Variants in GORAB observed in about 807,000 individuals in gnomAD.
GORAB encodes the protein RAB6-interacting golgin.
Under a neutral mutation model 29.9 loss-of-function variants are expected in GORAB, and 17 were observed. The observed-to-expected ratio is 0.57, with a 90% confidence interval of 0.39 to 0.85. The LOEUF is 0.85. Ranked by LOEUF, GORAB falls within the 40% of genes least tolerant of loss-of-function variation. The probability of loss-of-function intolerance (pLI) is 0.00; values close to 1 mark genes in which losing one functional copy is unlikely to be tolerated. For missense variants in GORAB, 442 were observed against 437.8 expected (o/e 1.01, Z -0.09); for synonymous variants, 183 against 157.2 (o/e 1.16, Z -1.23).
intron 1 of GORAB, chr1:170,533,368 G>A: frequency 3.6e-6 from 1 of 281,502 alleles, no homozygotes; most frequent in African/African-American, 2.1e-5. Context: ...TAAAGGTTAG[G>A]CTAAGCTATG....
intron 1 of GORAB, chr1:170,532,568 G>C (rs1408790616): frequency 2.4e-6 from 1 of 424,154 alleles, no homozygotes; most frequent in East Asian, 5.1e-5. Context: ...GAGAGGAAGT[G>C]AGCCTACAGC....
At chr1:170,543,390 A>T (rs1649560050) in intron 3 of GORAB, among the ~76,000 whole-genome samples, 1 of 152,222 alleles carries the variant, frequency 6.6e-6, no homozygotes. Flanking sequence ...AAAGTCTGTC[A>T]AACTGTTACT....
At chr1:170,541,252 A>C (rs1255576838) in intron 2 of GORAB, among the ~76,000 whole-genome samples, 1 of 150,376 alleles carries the variant, frequency 6.6e-6, no homozygotes, top group Non-Finnish European at 1.5e-5. Context: ...GATCAGAAGC[A>C]GAAGCAGGGG....
chr1:170,540,146 A>G (rs1649323592), intron 2 of GORAB, among the ~76,000 whole-genome samples: 1 of 152,022 alleles, frequency 6.6e-6, no homozygotes, highest in African/African-American at 2.4e-5. Flanking sequence ...AGAGACGTGA[A>G]GGGATGGTCA....
Position 170,549,307 on chromosome 1 carries a change from G to T in GORAB, c.663-2708G>T, listed in dbSNP as rs1445874333. ...TGACCATAGGCTGGTAGTGCAGTTT[G>T]TGAAACTAATCAATATTTTAAACAT... On this transcript the variant is annotated intron_variant, in intron 4 of 4. Coordinates refer to ENST00000367763, the MANE Select transcript of GORAB (RefSeq NM_152281.3). Among the ~76,000 whole-genome samples, 6 of 152,296 alleles carry T rather than the reference G, an allele frequency of 3.9e-5. No individual in the cohort carries two copies. In the East Asian group the frequency reaches 7.7e-4, roughly 20 times the overall value.
At chr1:170,536,154 T>C (rs1036020224) in intron 1 of GORAB, 2 of 152,202 alleles carry the variant, frequency 1.3e-5, no homozygotes, top group Non-Finnish European at 2.9e-5. Context: ...AGTACTTGTT[T>C]AAATTCTCAA....
chr1:170,553,638 T>A lies in GORAB; in HGVS notation c.*1176T>A, dbSNP rs1405776193. 2 of 452,388 alleles carry A rather than the reference T, an allele frequency of 4.4e-6. No homozygotes were observed. Among genetic ancestry groups the A allele is most frequent in the Non-Finnish European group, 8.8e-6 (2 of 226,434 alleles). The allele number at this position is 452,388 out of a possible 1,614,324, so 28.0% of individuals were successfully genotyped here. ...TTTAAATGGGTTTGTTTGAGGGTAT[T>A]ATCTTCTGGTAATATAGATGAGCTT... On this transcript the variant is annotated 3_prime_UTR_variant, in exon 5 of 5. Coordinates refer to ENST00000367763, the MANE Select transcript of GORAB (RefSeq NM_152281.3).
At position 170,551,320 on chromosome 1, in the gene GORAB, G is replaced by GA. The variant is rs370140996; in HGVS notation, c.663-692dup. Among the ~76,000 whole-genome samples, 685 of 152,306 alleles carry GA rather than the reference G, an allele frequency of 4.5e-3. 4 individuals are homozygous for GA. The highest frequency in any genetic ancestry group is 0.016 in the African/African-American group (655 of 41,558). ...AAATTGTCAGTAGCACCAAGGTTGA[G>GA]AAATCCTGCATATAGCTATCCTGAG... On this transcript the variant is annotated intron_variant, in intron 4 of 4. Transcript: ENST00000367763.
chr1:170,548,078 C>T (rs1407499577), intron 4 of GORAB, among the ~76,000 whole-genome samples: 1 of 152,206 alleles, frequency 6.6e-6, no homozygotes, highest in Admixed American at 6.5e-5. Flanking sequence ...CTTAAAACAA[C>T]AGAAATTACT....
intron 2 of GORAB, 29 bp from the exon 3 acceptor site, chr1:170,542,462 C>G (rs1316685375): frequency 7.1e-7 from 1 of 1,410,572 alleles, no homozygotes. Context: ...CTTTCATAAA[C>G]TCATTTTTAT....
chr1:170,535,298 T>C (rs1280076023), intron 1 of GORAB, among the ~76,000 whole-genome samples: 4 of 152,230 alleles, frequency 2.6e-5, no homozygotes, highest in African/African-American at 9.6e-5. Flanking sequence ...AAACTTTCTT[T>C]TTAATCATAT....
chr1:170,546,850 A>AT (rs1649794563), intron 4 of GORAB, among the ~76,000 whole-genome samples: 1 of 151,820 alleles, frequency 6.6e-6, no homozygotes, highest in Admixed American at 6.6e-5. Context: ...CACCTGGCTA[A>AT]TTTTTTGTAT....
At chr1:170,549,533 A>G (rs1233731915) in intron 4 of GORAB, among the ~76,000 whole-genome samples, 2 of 152,302 alleles carry the variant, frequency 1.3e-5, no homozygotes, top group East Asian at 3.9e-4. Flanking sequence ...TGACTGGCTG[A>G]AGGAGACCAC....
chr1:170,539,662 T>C (rs1649291155), intron 2 of GORAB, 95 bp downstream of exon 2: 3 of 1,282,978 alleles, frequency 2.3e-6, no homozygotes, highest in Non-Finnish European at 3.3e-6. Flanking sequence ...TATTTTAACA[T>C]TTTCTCTCCT....
chr1:170,539,348 C>T lies in GORAB; in HGVS notation c.200C>T (p.Ser67Leu). ...TCATTACTTCCAGAGCAGCTGCTTT[C>T]AGCACCAAAACAGAGAGTTAACGTT... ...STSLLPEQLL[S>L]APKQRVNVQK... The change falls in exon 2 of 5, where the codon TCA becomes TTA. Residue 67 changes from serine to leucine, a missense_variant. Transcript: ENST00000367763. 1 of 1,614,182 alleles carries T rather than the reference C, an allele frequency of 6.2e-7. No homozygotes were observed. The highest frequency in any genetic ancestry group is 8.5e-7 in the Non-Finnish European group (1 of 1,180,020).
At chr1:170,535,547 A>G (rs1649008331) in intron 1 of GORAB, among the ~76,000 whole-genome samples, 1 of 152,024 alleles carries the variant, frequency 6.6e-6, no homozygotes, top group Non-Finnish European at 1.5e-5. Context: ...TGAACAAAGT[A>G]TTTTATTTTT....
intron 1 of GORAB, among the ~76,000 whole-genome samples, chr1:170,534,621 C>T (rs73029132): frequency 0.017 from 2,651 of 152,192 alleles, 96 homozygotes; most frequent in African/African-American, 0.06. Context: ...TATGCTTTTT[C>T]TATGTTTAGA....
In GORAB at chr1:170,539,322, C is replaced by T; in HGVS notation, c.174C>T (p.Thr58=). The change falls in exon 2 of 5, where the codon ACC becomes ACT. Residue 58 remains threonine, a synonymous_variant. Transcript: ENST00000367763. ...AACTTGGGCTTCAAGATGGATCAAC[C>T]TCATTACTTCCAGAGCAGCTGCTTT... The part of the protein sequence containing the change: ...SQKLGLQDGS[T]SLLPEQLLSA... 6.2e-7 allele frequency: 1 copy of T among 1,614,162 alleles called. No homozygotes were observed. Among genetic ancestry groups the T allele is most frequent in the East Asian group, 2.2e-5 (1 of 44,880 alleles).
chr1:170,552,694 T>C lies in GORAB; in HGVS notation c.*232T>C, dbSNP rs1471850880. On this transcript the variant is annotated 3_prime_UTR_variant, in exon 5 of 5. Transcript: ENST00000367763. ...GGCCCGGTTCTTTCAGTGTTCCGTT[T>C]ACCCTTTTTACTGAAAGTAAGTGAC... 1 of 568,540 alleles carries C rather than the reference T, an allele frequency of 1.8e-6. No homozygotes were observed. Among genetic ancestry groups the C allele is most frequent in the East Asian group, 4.0e-5 (1 of 25,118 alleles). 35.2% of individuals were successfully genotyped at this position (568,540 alleles called of 1,614,324 possible). A position where few individuals can be genotyped will look rare whatever the true frequency, so the allele number is the denominator to read the frequency against.
Sources: allele counts gnomAD v4.1 joint callset (sites outside exome capture counted in the v4.1 genomes callset), GRCh38; gene constraint gnomAD v4.1.1; transcripts MANE v1.5; gene names NCBI Gene and HGNC (gene_info 2026-07-23, HGNC 2026-07-21).